The following KANK4 variants were observed in gnomAD, a reference collection of about 807,000 sequenced individuals.
KANK4 encodes KN motif and ankyrin repeat domain-containing protein 4.
In KANK4, 50 loss-of-function variants were observed where a neutral mutation model predicts 80.8. The observed-to-expected ratio is 0.62, with a 90% CI of 0.49 to 0.78. The LOEUF is 0.78. Ranked by LOEUF, KANK4 falls within the 30% of genes least tolerant of loss-of-function variation. The pLI, the probability that KANK4 is intolerant of heterozygous loss-of-function variation, is 0.00. For missense variants in KANK4, 1,196 were observed against 1,240.1 expected, an observed-to-expected ratio of 0.96 and a Z score of 0.53; for synonymous variants, 465 against 506.9, an observed-to-expected ratio of 0.92 and a Z score of 1.11.
At position 62,263,056 on chromosome 1, in the gene KANK4, A is replaced by G. The variant is rs1385435078; in HGVS notation, c.2539+36T>C. On this transcript the variant is annotated intron_variant, in intron 7 of 9. Transcript: ENST00000371153. The stretch of plus-strand genomic sequence containing the variant: ...TTAAAAATTGCCCTGCTCTTCAAGG[A>G]GGGACCCAGACTGTATGAATGCAAC... 3 of 1,508,294 alleles carry G rather than the reference A, an allele frequency of 2.0e-6. No homozygotes were observed. The South Asian group carries it at 3.5e-5, about 18-fold the overall frequency. The allele number at this position is 1,508,294 out of a possible 1,614,324, so 93.4% of individuals were successfully genotyped here. A position where few individuals can be genotyped will look rare whatever the true frequency, so the allele number is the denominator to read the frequency against.
At chr1:62,306,318 A>G (rs987271497) in intron 1 of KANK4, among the ~76,000 whole-genome samples, 1 of 152,192 alleles carries the variant, frequency 6.6e-6, no homozygotes, top group African/African-American at 2.4e-5. Flanking sequence ...AGACCCAGAC[A>G]TAATTAATGA....
rs1489710378 is a variant in KANK4 at position 62,237,152 on chromosome 1, T to C, written c.*1125A>G. On this transcript the variant is annotated 3_prime_UTR_variant, in exon 10 of 10. Coordinates refer to ENST00000371153, the MANE Select transcript of KANK4 (RefSeq NM_181712.5). ...GGGGCTTTTTTTTTTTTTTTTTGCA[T>C]AAGAGATTTTAAGAGAGCAGATTTA... 7.1e-6 allele frequency: 1 copy of C among 141,420 alleles called. No homozygotes were observed. The highest frequency in any genetic ancestry group is 2.1e-4 in the East Asian group (1 of 4,752). The allele number at this position is 141,420 out of a possible 1,614,324, so 8.8% of individuals were successfully genotyped here.
At chr1:62,238,462 AGG>A (rs972828370) in intron 9 of KANK4, 81 bp from the exon 10 acceptor site, 547 of 1,182,196 alleles carry the variant, frequency 4.6e-4, no homozygotes, top group Non-Finnish European at 6.4e-4. Context: ...TTGGGAGTAG[AGG>A]GTATGCCTGG....
chr1:62,274,145 A>G lies in KANK4; in HGVS notation c.959T>C (p.Met320Thr). 3.1e-6 allele frequency: 5 copies of G among 1,613,746 alleles called. No individual in the cohort carries two copies. Among genetic ancestry groups the G allele is most frequent in the Non-Finnish European group, 4.2e-6 (5 of 1,179,684 alleles). Residue 320 changes from methionine to threonine, a missense_variant, in exon 3 of 10, where the codon ATG (methionine) becomes ACG (threonine). Physicochemically the swap from Met to Thr is moderately conservative, Grantham distance 81. Coordinates refer to ENST00000371153, the MANE Select transcript of KANK4 (RefSeq NM_181712.5). Reference protein sequence around the residue: ...IPPPPPVEVDMRSIGIRVTEE... With the variant: ...IPPPPPVEVDTRSIGIRVTEE... ...AGTTACCCTGATGCCAATGCTTCTC[A>G]TGTCCACCTCTACAGGTGGCGGGGG... is the stretch of plus-strand genomic sequence containing the variant.
chr1:62,263,264 G>A lies in KANK4; in HGVS notation c.2367C>T (p.Ser789=). 1 of 1,613,374 alleles carries A rather than the reference G, an allele frequency of 6.2e-7. No homozygotes were observed. ...CCACGGCGGGGCTAGACGACTTCCG[G>A]CTGGAGACGCGGAACCACTCTTGAC... ...TISQEWFRVS[S]RKSSSPAVVA... The change falls in exon 7 of 10, where the codon AGC becomes AGT. Residue 789 remains serine (S), a synonymous_variant. Coordinates refer to ENST00000371153, the MANE Select transcript of KANK4 (RefSeq NM_181712.5).
At chr1:62,239,982 CA>C (rs1186814604) in intron 9 of KANK4, among the ~76,000 whole-genome samples, 2 of 152,202 alleles carry the variant, frequency 1.3e-5, no homozygotes, top group African/African-American at 4.8e-5. Context: ...CATACATGTG[CA>C]TGTGTCTTTA....
intron 9 of KANK4, among the ~76,000 whole-genome samples, chr1:62,244,195 T>A (rs1557465909): frequency 6.7e-6 from 1 of 148,650 alleles, no homozygotes; most frequent in Non-Finnish European, 1.5e-5. Context: ...AGTGTTTATT[T>A]TTTATTTTTT....
intron 1 of KANK4, among the ~76,000 whole-genome samples, chr1:62,318,569 G>C (rs1009852018): frequency 6.6e-6 from 1 of 152,248 alleles, no homozygotes; most frequent in African/African-American, 2.4e-5. Context: ...AGTTCAGCCA[G>C]GGGCCGAGGA....
intron 6 of KANK4, among the ~76,000 whole-genome samples, chr1:62,264,636 A>T (rs1378931912): frequency 6.6e-6 from 1 of 152,066 alleles, no homozygotes. Flanking sequence ...TGATCCTAAC[A>T]TGGGTGTGGT....
intron 7 of KANK4, among the ~76,000 whole-genome samples, chr1:62,262,750 A>T (rs918622679): frequency 1.3e-5 from 2 of 152,192 alleles, no homozygotes; most frequent in African/African-American, 4.8e-5. Context: ...TTCTAAGTGA[A>T]GTAACTCAAG....
At chr1:62,307,810 A>AT (rs1303585972) in intron 1 of KANK4, among the ~76,000 whole-genome samples, 1 of 151,220 alleles carries the variant, frequency 6.6e-6, no homozygotes, top group African/African-American at 2.4e-5. Flanking sequence ...GTAAAATCTG[A>AT]TTTTTAAATG....
At chr1:62,243,501 G>A (rs1175446169) in intron 9 of KANK4, among the ~76,000 whole-genome samples, 2 of 152,026 alleles carry the variant, frequency 1.3e-5, no homozygotes, top group African/African-American at 2.4e-5. Context: ...ACCATGCCTG[G>A]CTAATTTTTG....
At chr1:62,242,004 A>G (rs879390306) in intron 9 of KANK4, among the ~76,000 whole-genome samples, 1 of 152,150 alleles carries the variant, frequency 6.6e-6, no homozygotes, top group Admixed American at 6.5e-5. Context: ...CAGAGAGACC[A>G]CTTGGCGAGG....
At chr1:62,310,882 A>T (rs1358090352) in intron 1 of KANK4, among the ~76,000 whole-genome samples, 2 of 152,172 alleles carry the variant, frequency 1.3e-5, no homozygotes, top group Non-Finnish European at 2.9e-5. Context: ...TCCATTTCAC[A>T]AATACAAAAA....
chr1:62,247,486 T>A lies in KANK4; in HGVS notation c.2869A>T (p.Ser957Cys). The change falls in exon 9 of 10, where the codon AGC becomes TGC. Residue 957 changes from serine to cysteine, a missense_variant. Ser to Cys is a moderately radical substitution (Grantham distance 112). Transcript: ENST00000371153. ...GTAAGTCTCACCTTGTCAGTCAGGC[T>A]GCTGTCGCAGGCTGGGTGTGCCAGG... ...LLLAHPACDS[S>C]LTDKAGRTAL... 6.2e-7 allele frequency: 1 copy of A among 1,613,976 alleles called. No individual in the cohort carries two copies. Among genetic ancestry groups the A allele is most frequent in the Non-Finnish European group, 8.5e-7 (1 of 1,180,010 alleles).
At chr1:62,248,885 G>A (rs1316815200) in intron 8 of KANK4, among the ~76,000 whole-genome samples, 2 of 149,298 alleles carry the variant, frequency 1.3e-5, no homozygotes, top group Non-Finnish European at 1.5e-5. Context: ...AATTGGGGCC[G>A]GGTGCAGTGG....
At chr1:62,277,082 C>T (rs575135219) in intron 2 of KANK4, among the ~76,000 whole-genome samples, 3 of 152,258 alleles carry the variant, frequency 2.0e-5, no homozygotes, top group African/African-American at 7.2e-5. Context: ...CTAAGGACAC[C>T]AAGATGAATC....
At chr1:62,305,059 C>T (rs1644440008) in intron 1 of KANK4, among the ~76,000 whole-genome samples, 2 of 150,700 alleles carry the variant, frequency 1.3e-5, no homozygotes, top group Non-Finnish European at 1.5e-5. Context: ...AAGGAGGGTG[C>T]AGGAAGGAGG....
rs1557493242 is a variant in KANK4 at position 62,278,322 on chromosome 1, TTCCTTCCTTCC to T, written c.16+3216_16+3226del. ...CATTTCCTGGGGCACATTTTCTTTC[TTCCTTCCTTCC>T]TTCCTTCCTTCCTTCCTTCCTTCCT... On this transcript the variant is annotated intron_variant, in intron 2 of 9. Transcript: ENST00000371153. Among the ~76,000 whole-genome samples, 34 of 28,126 alleles carry T rather than the reference TTCCTTCCTTCC, an allele frequency of 1.2e-3. 6 individuals carry two copies. The highest frequency in any genetic ancestry group is 5.7e-3 in the African/African-American group (27 of 4,720). 18.5% of individuals were successfully genotyped at this position (28,126 alleles called of 152,430 possible). A position where few individuals can be genotyped will look rare whatever the true frequency, so the allele number is the denominator to read the frequency against.
Sources: gnomAD v4.1 joint callset for allele counts (sites outside exome capture counted in the v4.1 genomes callset) on GRCh38, gnomAD v4.1.1 for gene constraint, MANE v1.5 for transcripts, NCBI Gene and HGNC (gene_info 2026-07-23, HGNC 2026-07-21) for gene names.